ATAD2B: variants seen among roughly 807,000 people sequenced by gnomAD.
ATAD2B encodes the protein ATPase family AAA domain containing 2B, also known as ATPase family AAA domain-containing protein 2B.
ATAD2B carries 40 observed loss-of-function variants against 167.6 expected under a neutral mutation model. The observed-to-expected ratio is 0.24, with a 90% CI of 0.19 to 0.31. The LOEUF (loss-of-function observed/expected upper bound fraction) is 0.31, where lower values mean the gene tolerates loss of function less well. Among genes scored for constraint, ATAD2B ranks in the 10% least tolerant of loss-of-function variants. The probability of loss-of-function intolerance (pLI) is 1.00; values close to 1 mark genes in which losing one functional copy is unlikely to be tolerated. For missense variants in ATAD2B, 1,242 were observed against 1,757.2 expected, an observed-to-expected ratio of 0.71 and a Z score of 5.24; for synonymous variants, 579 against 596.5, an observed-to-expected ratio of 0.97 and a Z score of 0.43.
intron 19 of ATAD2B, among the ~76,000 whole-genome samples, chr2:23,795,319 A>T (rs1474759966): frequency 6.6e-6 from 1 of 152,108 alleles, no homozygotes; most frequent in Non-Finnish European, 1.5e-5. Context: ...TATTTTCATG[A>T]CATTAAATTT....
chr2:23,715,166 T>G, the ATAD2B span, among the ~76,000 whole-genome samples: 2 of 152,248 alleles, frequency 1.3e-5, no homozygotes, highest in African/African-American at 4.8e-5. Flanking sequence ...TTTGTTAATT[T>G]TGAACAACAT....
chr2:23,898,956 C>A (rs919839362), intron 1 of ATAD2B, among the ~76,000 whole-genome samples: 4 of 152,198 alleles, frequency 2.6e-5, no homozygotes, highest in African/African-American at 9.7e-5. Context: ...CGAGACCAGC[C>A]TGACCAACAT....
At chr2:23,883,597 T>C in intron 6 of ATAD2B, 10 of 1,295,652 alleles carry the variant, frequency 7.7e-6, no homozygotes, top group Non-Finnish European at 9.2e-6. Flanking sequence ...GTCTCACCTA[T>C]ACTGATTTTC....
Position 23,841,162 on chromosome 2 carries a change from T to C in ATAD2B, c.1569-7084A>G, listed in dbSNP as rs553211464. Among the ~76,000 whole-genome samples, 3 of 145,156 alleles carry C rather than the reference T, an allele frequency of 2.1e-5. No individual in the cohort carries two copies. The South Asian group carries it at 6.7e-4, about 33-fold the overall frequency. On this transcript the variant is annotated intron_variant, in intron 13 of 27. Coordinates refer to ENST00000238789, the MANE Select transcript of ATAD2B (RefSeq NM_017552.4). ...TTATGTTGCCCAGGCTGGTCTTGAATTCCTGGGCTTAAATGATCCTCCTAC... is the reference window on the plus strand; with the variant it reads ...TTATGTTGCCCAGGCTGGTCTTGAACTCCTGGGCTTAAATGATCCTCCTAC...
At chr2:23,889,399 C>CTCAGG (rs1699146547) in intron 2 of ATAD2B, among the ~76,000 whole-genome samples, 1 of 151,964 alleles carries the variant, frequency 6.6e-6, no homozygotes, top group South Asian at 2.1e-4. Flanking sequence ...AACCCCTGAC[C>CTCAGG]TCAGGTGATC....
chr2:23,849,940 T>C (rs1322848003), intron 13 of ATAD2B, among the ~76,000 whole-genome samples: 1 of 151,964 alleles, frequency 6.6e-6, no homozygotes, highest in East Asian at 1.9e-4. Context: ...CAGGATACAC[T>C]GGGACATAAA....
chr2:23,919,406 CTG>C (rs1703566099), intron 1 of ATAD2B, among the ~76,000 whole-genome samples: 1 of 151,702 alleles, frequency 6.6e-6, no homozygotes, highest in African/African-American at 2.4e-5. Flanking sequence ...AATTAGCTGA[CTG>C]TGGTGGCTTG....
intron 13 of ATAD2B, among the ~76,000 whole-genome samples, chr2:23,857,068 T>G (rs1348999825): frequency 6.6e-6 from 1 of 151,314 alleles, no homozygotes; most frequent in Non-Finnish European, 1.5e-5. Flanking sequence ...AAAAAAAAAA[T>G]TAAAAGCCCA....
At chr2:23,799,301 G>A (rs111325303) in intron 18 of ATAD2B, among the ~76,000 whole-genome samples, 12,013 of 152,016 alleles carry the variant, frequency 0.079, 607 homozygotes, top group Middle Eastern at 0.12. Flanking sequence ...AGCTGGGCAC[G>A]GTGGCTCACG....
the ATAD2B span, among the ~76,000 whole-genome samples, chr2:23,737,126 G>A: frequency 6.6e-6 from 1 of 152,212 alleles, no homozygotes; most frequent in African/African-American, 2.4e-5. Flanking sequence ...TGGGGGCAGG[G>A]CACAGACAAA....
chr2:23,841,418 A>G (rs901502221), intron 13 of ATAD2B, among the ~76,000 whole-genome samples: 1 of 152,210 alleles, frequency 6.6e-6, no homozygotes, highest in South Asian at 2.1e-4. Flanking sequence ...CATTTCATAT[A>G]AACAGAATCA....
At position 23,808,095 on chromosome 2, in the gene ATAD2B, A is replaced by ATATATATAAGTAATTATATATATAAT. The variant is rs1182288938; in HGVS notation, c.2454+2195_2454+2220dup. ...TATATAAGTAATTATATATATAATT[A>ATATATATAAGTAATTATATATATAAT]TATATATAAGTAATTATATATATAA... On this transcript the variant is annotated intron_variant, in intron 18 of 27. Transcript: ENST00000238789. Among the ~76,000 whole-genome samples the ATATATATAAGTAATTATATATATAAT allele has an allele frequency of 1.8e-3, 240 of 133,924 alleles. 5 individuals are homozygous for ATATATATAAGTAATTATATATATAAT. The highest frequency in any genetic ancestry group is 2.8e-3 in the Non-Finnish European group (178 of 64,498). 87.9% of individuals were successfully genotyped at this position (133,924 alleles called of 152,430 possible).
At chr2:23,770,386 T>C (rs960013975) in intron 22 of ATAD2B, among the ~76,000 whole-genome samples, 8 of 152,120 alleles carry the variant, frequency 5.3e-5, no homozygotes, top group African/African-American at 9.7e-5. Context: ...ATGTGTGTAT[T>C]TGTCTTCTGT....
intron 22 of ATAD2B, 36 bp downstream of exon 22, chr2:23,782,833 G>C: frequency 1.3e-6 from 2 of 1,545,004 alleles, no homozygotes; most frequent in Non-Finnish European, 1.8e-6. Context: ...TCTTCTGATT[G>C]ATTATCAAGG....
the ATAD2B span, among the ~76,000 whole-genome samples, chr2:23,700,267 C>T: frequency 6.6e-6 from 1 of 152,186 alleles, no homozygotes; most frequent in Non-Finnish European, 1.5e-5. The surrounding 1 kb of genome is among the most constrained non-coding windows in gnomAD (Gnocchi z 4.6). Flanking sequence ...GTTAAAATTA[C>T]AGGAACTCTG....
chr2:23,834,142 A>T, intron 13 of ATAD2B, 64 bp from the exon 14 acceptor site: 11 of 391,742 alleles, frequency 2.8e-5, no homozygotes, highest in South Asian at 1.1e-4. Flanking sequence ...AATAACGTTT[A>T]TCAGTCTTTC....
chr2:23,792,962 C>CAAAAAAAAAAAAAAAAAAAAA (rs36015161), intron 19 of ATAD2B, among the ~76,000 whole-genome samples: 2 of 42,556 alleles, frequency 4.7e-5, no homozygotes, highest in Non-Finnish European at 7.7e-5. Context: ...GACTCTGTCT[C>CAAAAAAAAAAAAAAAAAAAAA]AAAAAAAAAA....
intron 25 of ATAD2B, among the ~76,000 whole-genome samples, chr2:23,755,803 G>T (rs1675882715): frequency 6.6e-6 from 1 of 152,080 alleles, no homozygotes; most frequent in Non-Finnish European, 1.5e-5. Context: ...ATATATCAGA[G>T]AAATTTTATA....
At chr2:23,899,052 G>A (rs1176575908) in intron 1 of ATAD2B, among the ~76,000 whole-genome samples, 1 of 152,108 alleles carries the variant, frequency 6.6e-6, no homozygotes, top group Non-Finnish European at 1.5e-5. Context: ...GGAGGCTGAG[G>A]CAGGAGAATT....
Sources: gnomAD v4.1 joint callset for allele counts (sites outside exome capture counted in the v4.1 genomes callset) on GRCh38, gnomAD v4.1.1 for gene constraint, Gnocchi (gnomAD v3.1) non-coding constraint, MANE v1.5 for transcripts, NCBI Gene and HGNC (gene_info 2026-07-23, HGNC 2026-07-21) for gene names.